Variants in CDH20 observed in about 807,000 individuals in gnomAD.
CDH20 encodes the protein cadherin 20.
In CDH20, 29 loss-of-function variants were observed where a neutral mutation model predicts 74.2. The ratio of observed to expected loss-of-function variants is 0.39; its 90% CI spans 0.29 to 0.53. The LOEUF (loss-of-function observed/expected upper bound fraction) is 0.53, where lower values mean the gene tolerates loss of function less well. Among genes scored for constraint, CDH20 ranks in the 20% least tolerant of loss-of-function variants. CDH20 has a pLI of 0.69. For missense variants in CDH20, 988 were observed against 1,048.3 expected (o/e 0.94, Z 0.79); for synonymous variants, 469 against 405.4 (o/e 1.16, Z -1.88).
intron 6 of CDH20, among the ~76,000 whole-genome samples, chr18:61,518,539 A>T (rs1286171871): frequency 6.6e-6 from 1 of 151,378 alleles, no homozygotes; most frequent in Non-Finnish European, 1.5e-5. Context: ...TAACTGTTAG[A>T]ATGAAAACTA....
intron 1 of CDH20, among the ~76,000 whole-genome samples, chr18:61,427,710 A>G (rs1913118118): frequency 6.6e-6 from 1 of 152,252 alleles, no homozygotes; most frequent in Non-Finnish European, 1.5e-5. Flanking sequence ...TCACAAACTG[A>G]TAAACAGTTC....
At chr18:61,480,863 A>G (rs1029155715) in intron 1 of CDH20, among the ~76,000 whole-genome samples, 1 of 152,234 alleles carries the variant, frequency 6.6e-6, no homozygotes, top group Non-Finnish European at 1.5e-5. Flanking sequence ...GCTCAAGAAC[A>G]AAAAAAGCAT....
At chr18:61,359,459 C>T (rs567062314) in intron 1 of CDH20, among the ~76,000 whole-genome samples, 1 of 151,914 alleles carries the variant, frequency 6.6e-6, no homozygotes, top group East Asian at 1.9e-4. Flanking sequence ...TTCCCTTTCC[C>T]TCATGGGTAT....
chr18:61,540,498 A>C (rs1338721373), intron 9 of CDH20, among the ~76,000 whole-genome samples: 2 of 152,318 alleles, frequency 1.3e-5, no homozygotes, highest in Non-Finnish European at 2.9e-5. Context: ...ACATGGCAGC[A>C]GGCAAGACAG....
At chr18:61,536,741 T>C (rs996445031) in intron 8 of CDH20, 112 bp downstream of exon 8, 14 of 928,434 alleles carry the variant, frequency 1.5e-5, no homozygotes, top group East Asian at 1.2e-4. Context: ...AGGGAAGAAA[T>C]GGAAATCATG....
rs891532948 is a variant in CDH20 at position 61,357,014 on chromosome 18, C to A, written c.-153+23187C>A. On this transcript the variant is annotated intron_variant, in intron 1 of 11. Coordinates refer to ENST00000262717, the MANE Select transcript of CDH20 (RefSeq NM_031891.4). ...CTGCCTGATAGTACTATTACAACAT[C>A]TAATTCTTGAAGGCTTAACTATACC... Among the ~76,000 whole-genome samples, 5 of 152,162 alleles carry A rather than the reference C, an allele frequency of 3.3e-5. No individual in the cohort carries two copies. The South Asian group carries it at 6.2e-4, about 19-fold the overall frequency.
chr18:61,440,824 G>T (rs549487706), intron 1 of CDH20, among the ~76,000 whole-genome samples: 1 of 152,230 alleles, frequency 6.6e-6, no homozygotes, highest in Middle Eastern at 3.4e-3. Context: ...CAGGTCTCTT[G>T]AGGTCTAAGC....
At chr18:61,334,116 G>A (rs1057375809) in intron 1 of CDH20, among the ~76,000 whole-genome samples, 1 of 152,150 alleles carries the variant, frequency 6.6e-6, no homozygotes, top group Admixed American at 6.5e-5. Context: ...GTGGCGCGCT[G>A]GGAGCGGGGA....
intron 1 of CDH20, among the ~76,000 whole-genome samples, chr18:61,435,457 CT>C (rs1327534399): frequency 6.6e-6 from 1 of 152,046 alleles, no homozygotes; most frequent in Non-Finnish European, 1.5e-5. Flanking sequence ...TGCTTCTGTC[CT>C]TCCCAGGACA....
At position 61,495,318 on chromosome 18, in the gene CDH20, G is replaced by A. The variant is rs554798306; in HGVS notation, c.247-3868G>A. ...TTTTGAAACCAAATGTGTATTCTAC[G>A]GCTGGTAAAGCGGAATATTAAATGT... is the stretch of plus-strand genomic sequence containing the variant. On this transcript the variant is annotated intron_variant, in intron 2 of 11. Transcript: ENST00000262717. Among the ~76,000 whole-genome samples, 8 of 152,300 alleles carry A rather than the reference G, an allele frequency of 5.3e-5. No homozygotes were observed. The South Asian group carries it at 8.3e-4, about 16-fold the overall frequency.
At chr18:61,435,419 T>C (rs917684767) in intron 1 of CDH20, among the ~76,000 whole-genome samples, 2 of 152,024 alleles carry the variant, frequency 1.3e-5, no homozygotes, top group African/African-American at 4.8e-5. Context: ...TCTCAGACCA[T>C]CCAGGATCTC....
At position 61,554,494 on chromosome 18, in the gene CDH20, G is replaced by A. The variant is rs766844315; in HGVS notation, c.2205G>A (p.Met735Ile). ...YVLAKLYEAD[M>I]DLWAPPFDSL... Reference sequence around the variant, plus strand: ...TGGCCAAGCTCTACGAGGCCGACATGGACCTGTGGGCACCGCCCTTCGACT... The same window carrying A: ...TGGCCAAGCTCTACGAGGCCGACATAGACCTGTGGGCACCGCCCTTCGACT... The change falls in exon 12 of 12, where the codon ATG becomes ATA. Residue 735 changes from methionine (M) to isoleucine (I), a missense_variant. Around this residue, in one of 2 missense-constraint regions of CDH20, gnomAD observed 375 missense variants for 293.1 expected, o/e 1.28. Coordinates refer to ENST00000262717, the MANE Select transcript of CDH20 (RefSeq NM_031891.4). 7 of 1,612,964 alleles carry A rather than the reference G, an allele frequency of 4.3e-6. No homozygotes were observed. Among genetic ancestry groups the A allele is most frequent in the East Asian group, 2.2e-5 (1 of 44,864 alleles).
chr18:61,546,355 C>G (rs486782), intron 10 of CDH20, among the ~76,000 whole-genome samples: 145,263 of 152,280 alleles, frequency 0.95, 69,508 homozygotes, highest in Non-Finnish European at 0.99. Context: ...TTCTAAATGG[C>G]AAAGCATTCT....
chr18:61,431,013 T>C (rs549566276), intron 1 of CDH20, among the ~76,000 whole-genome samples: 29 of 152,294 alleles, frequency 1.9e-4, no homozygotes, highest in African/African-American at 6.7e-4. Flanking sequence ...AGGAAATATA[T>C]GTATATATGT....
chr18:61,397,075 C>T (rs1389275465), intron 1 of CDH20, among the ~76,000 whole-genome samples: 1 of 152,086 alleles, frequency 6.6e-6, no homozygotes, highest in Non-Finnish European at 1.5e-5. Context: ...CTGCCAGTTA[C>T]TCTAGTGGGA....
chr18:61,420,892 A>G (rs1349858150), intron 1 of CDH20, among the ~76,000 whole-genome samples: 4 of 152,096 alleles, frequency 2.6e-5, no homozygotes, highest in Non-Finnish European at 4.4e-5. Flanking sequence ...TGTCTCTACT[A>G]AAAATACAAA....
At chr18:61,372,658 T>C (rs1044296213) in intron 1 of CDH20, among the ~76,000 whole-genome samples, 4 of 152,178 alleles carry the variant, frequency 2.6e-5, no homozygotes, top group African/African-American at 7.2e-5. Context: ...TTAAAAATTC[T>C]ATAAAATTCA....
intron 1 of CDH20, among the ~76,000 whole-genome samples, chr18:61,437,277 G>C (rs1296649924): frequency 6.6e-6 from 1 of 152,144 alleles, no homozygotes; most frequent in Non-Finnish European, 1.5e-5. Context: ...CAGACAAGAA[G>C]GGTTCATGTC....
chr18:61,455,454 A>G (rs967081132), intron 1 of CDH20, among the ~76,000 whole-genome samples: 2 of 152,230 alleles, frequency 1.3e-5, no homozygotes, highest in East Asian at 3.8e-4. Context: ...TTCTTTTTTA[A>G]TATGAATATG....
Sources: gnomAD v4.1 joint callset for allele counts (sites outside exome capture counted in the v4.1 genomes callset) on GRCh38, gnomAD v4.1.1 for gene constraint, gnomAD v4.1.1 regional missense constraint, MANE v1.5 for transcripts, NCBI Gene and HGNC (gene_info 2026-07-23, HGNC 2026-07-21) for gene names.